Variants in STK17B observed in about 807,000 individuals in gnomAD.
STK17B encodes the protein serine/threonine-protein kinase 17B.
In STK17B, 21 loss-of-function variants were observed where a neutral mutation model predicts 42.0. The observed-to-expected ratio is 0.50, with a 90% CI of 0.35 to 0.72. The LOEUF is 0.72. Ranked by LOEUF, STK17B falls within the 30% of genes least tolerant of loss-of-function variation. The pLI is 0.00. For synonymous variants in STK17B, 143 were observed against 148.4 expected, an observed-to-expected ratio of 0.96 and a Z score of 0.26; for missense variants, 349 against 446.0, an observed-to-expected ratio of 0.78 and a Z score of 1.96.
At chr2:196,157,204 C>T (rs569817283) in intron 2 of STK17B, among the ~76,000 whole-genome samples, 7 of 151,628 alleles carry the variant, frequency 4.6e-5, no homozygotes, top group African/African-American at 9.7e-5. Flanking sequence ...ATCTCATTTG[C>T]ACACCAACTC....
upstream of STK17B, among the ~76,000 whole-genome samples, chr2:196,172,404 A>T (rs1266985391): frequency 1.3e-5 from 2 of 152,246 alleles, no homozygotes; most frequent in African/African-American, 4.8e-5. Flanking sequence ...ACACATACTC[A>T]TACATATATG....
intron 3 of STK17B, among the ~76,000 whole-genome samples, chr2:196,146,757 TGACA>T (rs1428982690): frequency 6.6e-6 from 1 of 152,088 alleles, no homozygotes; most frequent in East Asian, 1.9e-4. Flanking sequence ...TTGAGCCTCA[TGACA>T]AACATGTGAG....
intron 2 of STK17B, among the ~76,000 whole-genome samples, chr2:196,158,411 T>A (rs1321326531): frequency 6.6e-6 from 1 of 152,228 alleles, no homozygotes; most frequent in Non-Finnish European, 1.5e-5. Context: ...TAAATTTGCA[T>A]ATAAAAACCT....
intron 2 of STK17B, among the ~76,000 whole-genome samples, chr2:196,162,666 G>A (rs910857581): frequency 6.6e-5 from 10 of 151,968 alleles, no homozygotes; most frequent in East Asian, 1.9e-4. Flanking sequence ...GGGAGGCCAC[G>A]GCCAGAGGAT....
At chr2:196,170,494 G>T (rs544826327) in intron 1 of STK17B, among the ~76,000 whole-genome samples, 1 of 152,204 alleles carries the variant, frequency 6.6e-6, no homozygotes, top group Non-Finnish European at 1.5e-5. Context: ...CCAAATTGAT[G>T]TCAGAGTGCC....
At chr2:196,168,932 T>G (rs1171961449) in intron 1 of STK17B, among the ~76,000 whole-genome samples, 1 of 152,210 alleles carries the variant, frequency 6.6e-6, no homozygotes, top group African/African-American at 2.4e-5. Flanking sequence ...CATTTGAAGT[T>G]TTCCTAAGTG....
intron 3 of STK17B, chr2:196,153,586 T>C (rs1699697497): frequency 6.6e-6 from 1 of 152,026 alleles, no homozygotes; most frequent in Non-Finnish European, 1.5e-5. Flanking sequence ...GGTTTCTAAA[T>C]GCTATTCCCC....
intron 5 of STK17B, among the ~76,000 whole-genome samples, chr2:196,142,580 A>G (rs867412847): frequency 2.6e-5 from 4 of 152,334 alleles, no homozygotes; most frequent in African/African-American, 2.4e-5. Flanking sequence ...TGGTTTCATA[A>G]TTTCTCCAAA....
chr2:196,157,160 T>TA (rs1387458226), intron 2 of STK17B, among the ~76,000 whole-genome samples: 1 of 45,370 alleles, frequency 2.2e-5, no homozygotes, highest in African/African-American at 5.4e-5. Flanking sequence ...AAAAAAAAAA[T>TA]AAAAAAAAGA....
chr2:196,164,332 G>A (rs986824085), intron 1 of STK17B, among the ~76,000 whole-genome samples: 2 of 152,126 alleles, frequency 1.3e-5, no homozygotes, highest in African/African-American at 2.4e-5. Flanking sequence ...TGTATGAAGT[G>A]CTCAATAATT....
At chr2:196,170,980 G>C (rs1699933487) in intron 1 of STK17B, 1 of 152,558 alleles carries the variant, frequency 6.6e-6, no homozygotes, top group African/African-American at 2.4e-5. Flanking sequence ...GCCGCGAAGG[G>C]GGCCCTGCCT....
intron 1 of STK17B, among the ~76,000 whole-genome samples, chr2:196,168,846 A>C (rs1367200093): frequency 1.3e-5 from 2 of 152,230 alleles, no homozygotes; most frequent in African/African-American, 4.8e-5. Flanking sequence ...AGCCCAGCAT[A>C]GAATACAAAC....
upstream of STK17B, chr2:196,174,195 G>A (rs911298635): frequency 6.6e-6 from 1 of 152,170 alleles, no homozygotes; most frequent in African/African-American, 2.4e-5. Flanking sequence ...GATCACTCCA[G>A]GTTAGTAATC....
rs1699377167 is a variant in STK17B, at chr2:196,135,023, CTA to C, written c.*2422_*2423del. ...TGTGCAATCACTAGTTGCTTTTTTA[CTA>C]TAAAACTTAATATCAGGAAAAAAGG... On this transcript the variant is annotated 3_prime_UTR_variant, in exon 8 of 8. Coordinates refer to ENST00000263955, the MANE Select transcript of STK17B (RefSeq NM_004226.4). 1 of 151,984 alleles carries C rather than the reference CTA, an allele frequency of 6.6e-6. No homozygotes were observed. Among genetic ancestry groups the C allele is most frequent in the South Asian group, 2.1e-4 (1 of 4,830 alleles). The allele number at this position is 151,984 out of a possible 1,614,324, so 9.4% of individuals were successfully genotyped here. A position where few individuals can be genotyped will look rare whatever the true frequency, so the allele number is the denominator to read the frequency against.
rs1699357095 is a variant in STK17B at position 196,133,852 on chromosome 2, T to G, written c.*3595A>C. 6.6e-6 allele frequency: 1 copy of G among 152,220 alleles called. No individual in the cohort carries two copies. The highest frequency in any genetic ancestry group is 6.5e-5 in the Admixed American group (1 of 15,290). The allele number at this position is 152,220 out of a possible 1,614,324, so 9.4% of individuals were successfully genotyped here. A position where few individuals can be genotyped will look rare whatever the true frequency, so the allele number is the denominator to read the frequency against. On this transcript the variant is annotated 3_prime_UTR_variant, in exon 8 of 8. Transcript: ENST00000263955. ...ATAAAATATGGCAGGAAGTTGTAAT[T>G]TATGGAAAATTTACAATTATTCTTT...
chr2:196,166,506 C>T (rs1190121412), intron 1 of STK17B, among the ~76,000 whole-genome samples: 1 of 151,978 alleles, frequency 6.6e-6, no homozygotes, highest in East Asian at 1.9e-4. Context: ...TCTTAAGGGA[C>T]CTGGTAAGTA....
intron 3 of STK17B, chr2:196,154,203 G>A (rs1383783892): frequency 6.6e-6 from 1 of 150,870 alleles, no homozygotes; most frequent in Non-Finnish European, 1.5e-5. Context: ...CACTGCACTC[G>A]AGCCTGGTGA....
At chr2:196,155,640 C>T (rs986702716) in intron 3 of STK17B, among the ~76,000 whole-genome samples, 4 of 152,122 alleles carry the variant, frequency 2.6e-5, no homozygotes, top group African/African-American at 9.7e-5. Context: ...ACTATTGGCA[C>T]CCAAGGTATA....
At chr2:196,168,861 G>A (rs192630647) in intron 1 of STK17B, among the ~76,000 whole-genome samples, 1 of 152,010 alleles carries the variant, frequency 6.6e-6, no homozygotes. Context: ...ACAAACTACA[G>A]TACTTAAACA....
Sources: allele counts gnomAD v4.1 joint callset (sites outside exome capture counted in the v4.1 genomes callset), GRCh38; gene constraint gnomAD v4.1.1; transcripts MANE v1.5; gene names NCBI Gene and HGNC (gene_info 2026-07-23, HGNC 2026-07-21).